The following EIF3H variants were observed in gnomAD, a reference collection of about 807,000 sequenced individuals.
The protein encoded by EIF3H is eukaryotic translation initiation factor 3 subunit H.
In EIF3H, 26 loss-of-function variants were observed where a neutral mutation model predicts 44.2. The ratio of observed to expected loss-of-function variants is 0.59; its 90% confidence interval spans 0.43 to 0.82. The LOEUF is 0.82. Among genes scored for constraint, EIF3H ranks in the 40% least tolerant of loss-of-function variants. EIF3H has a pLI of 0.00. For missense variants in EIF3H, 359 were observed against 432.8 expected (o/e 0.83, Z 1.51); for synonymous variants, 166 against 151.9 (o/e 1.09, Z -0.68).
chr8:116,748,158 C>CAA lies in EIF3H; in HGVS notation c.132+7506_132+7507dup, dbSNP rs537744856. ...CAAGAGCAAAACTCTGTCTCAAAAA[C>CAA]AAAAAAAAAAACAAAAACAAAACAA... On this transcript the variant is annotated intron_variant, in intron 1 of 7. Transcript: ENST00000521861. 3.9e-4 allele frequency among the ~76,000 whole-genome samples: 53 copies of CAA among 134,560 alleles called. 1 individual carries two copies. Among genetic ancestry groups the CAA allele is most frequent in the African/African-American group, 1.4e-3 (52 of 37,728 alleles). The allele number at this position is 134,560 out of a possible 152,430, so 88.3% of individuals were successfully genotyped here. A position where few individuals can be genotyped will look rare whatever the true frequency, so the allele number is the denominator to read the frequency against.
At chr8:116,690,379 GAA>G (rs36074596) in intron 2 of EIF3H, among the ~76,000 whole-genome samples, 4 of 148,982 alleles carry the variant, frequency 2.7e-5, no homozygotes, top group Admixed American at 6.7e-5. Context: ...AAATAAACTA[GAA>G]AAAAAAAAAC....
chr8:116,693,919 G>A (rs1268154463), intron 2 of EIF3H, among the ~76,000 whole-genome samples: 3 of 152,026 alleles, frequency 2.0e-5, no homozygotes, highest in Admixed American at 1.3e-4. Flanking sequence ...CTTCTGCCTT[G>A]GTCTCCCCCA....
upstream of EIF3H, chr8:116,766,350 C>T: frequency 2.4e-6 from 1 of 419,466 alleles, no homozygotes; most frequent in Non-Finnish European, 4.2e-6. Flanking sequence ...AATCGCGCAC[C>T]CCAGCGGTTT....
At chr8:116,752,521 T>C (rs1429453519) in intron 1 of EIF3H, among the ~76,000 whole-genome samples, 2 of 151,722 alleles carry the variant, frequency 1.3e-5, no homozygotes, top group East Asian at 1.9e-4. Flanking sequence ...AGGATACACC[T>C]GAGGCCTAGA....
At chr8:116,741,968 T>C (rs145740536) in intron 1 of EIF3H, among the ~76,000 whole-genome samples, 340 of 152,330 alleles carry the variant, frequency 2.2e-3, no homozygotes, top group Non-Finnish European at 3.6e-3. Flanking sequence ...ATTTAACACA[T>C]TTTATGGCTC....
intron 5 of EIF3H, among the ~76,000 whole-genome samples, chr8:116,649,439 G>T (rs184711798): frequency 6.6e-6 from 1 of 152,044 alleles, no homozygotes; most frequent in Non-Finnish European, 1.5e-5. Flanking sequence ...ACCTTTCCTA[G>T]AATCTGTAGT....
At chr8:116,733,494 T>C (rs938151112) in intron 1 of EIF3H, among the ~76,000 whole-genome samples, 1 of 152,090 alleles carries the variant, frequency 6.6e-6, no homozygotes, top group Non-Finnish European at 1.5e-5. Flanking sequence ...AAAAGCATTA[T>C]GAATAAAAGA....
intron 5 of EIF3H, among the ~76,000 whole-genome samples, chr8:116,651,911 A>C (rs1157538176): frequency 6.6e-6 from 1 of 152,240 alleles, no homozygotes; most frequent in African/African-American, 2.4e-5. Flanking sequence ...TAATATGAGC[A>C]TCTAATTTGC....
rs771153235 is a variant in EIF3H at position 116,656,125 on chromosome 8, TAAAAAA to T, written c.558-126_558-121del. 1.3e-3 allele frequency: 765 copies of T among 593,100 alleles called. 2 individuals are homozygous for T. Among genetic ancestry groups the T allele is most frequent in the Non-Finnish European group, 1.8e-3 (668 of 381,300 alleles). 36.7% of individuals were successfully genotyped at this position (593,100 alleles called of 1,614,324 possible). A position where few individuals can be genotyped will look rare whatever the true frequency, so the allele number is the denominator to read the frequency against. On this transcript the variant is annotated intron_variant, in intron 4 of 7. Transcript: ENST00000521861. ...AAGATCTTTGTTTCATTAGCACTCT[TAAAAAA>T]AAAAAAAGTAGAGAAACTGGAGTTT...
chr8:116,733,926 A>T (rs1814990514), intron 1 of EIF3H, among the ~76,000 whole-genome samples: 2 of 152,208 alleles, frequency 1.3e-5, no homozygotes, highest in Non-Finnish European at 2.9e-5. Flanking sequence ...AGGAGAGGAG[A>T]AACATAGTTT....
intron 2 of EIF3H, among the ~76,000 whole-genome samples, chr8:116,676,403 G>T (rs1813848773): frequency 6.6e-6 from 1 of 152,190 alleles, no homozygotes; most frequent in African/African-American, 2.4e-5. Flanking sequence ...GAAGGCAAAG[G>T]CGAAGCAAGA....
intron 2 of EIF3H, among the ~76,000 whole-genome samples, chr8:116,723,908 T>C (rs912584413): frequency 1.3e-5 from 2 of 152,172 alleles, no homozygotes; most frequent in African/African-American, 4.8e-5. Flanking sequence ...CAAAGACAGA[T>C]TCAATGCAAT....
chr8:116,716,463 T>A (rs1171697895), intron 2 of EIF3H, among the ~76,000 whole-genome samples: 1 of 152,124 alleles, frequency 6.6e-6, no homozygotes, highest in Non-Finnish European at 1.5e-5. Flanking sequence ...TTCGTTTCAG[T>A]GCTCAAAATA....
At chr8:116,669,252 G>T (rs1432410874) in intron 2 of EIF3H, among the ~76,000 whole-genome samples, 1 of 152,140 alleles carries the variant, frequency 6.6e-6, no homozygotes, top group Non-Finnish European at 1.5e-5. Context: ...ACAGAAATTA[G>T]ATTTCAAGAA....
intron 2 of EIF3H, among the ~76,000 whole-genome samples, chr8:116,676,279 T>G (rs1273380218): frequency 6.6e-6 from 1 of 152,234 alleles, no homozygotes; most frequent in Non-Finnish European, 1.5e-5. Flanking sequence ...TAGTCTGTTT[T>G]TATACTGCTA....
At chr8:116,754,120 C>T (rs1450376600) in intron 1 of EIF3H, among the ~76,000 whole-genome samples, 2 of 145,286 alleles carry the variant, frequency 1.4e-5, no homozygotes, top group Non-Finnish European at 3.0e-5. Context: ...ACTCCATTTT[C>T]TTTTTTTTTT....
chr8:116,750,713 T>C (rs1815322590), intron 1 of EIF3H, among the ~76,000 whole-genome samples: 1 of 151,774 alleles, frequency 6.6e-6, no homozygotes, highest in African/African-American at 2.4e-5. Context: ...ACCTGGCCTT[T>C]AGCATGACTT....
At chr8:116,737,649 T>A (rs373112085) in intron 1 of EIF3H, 1 of 152,290 alleles carries the variant, frequency 6.6e-6, no homozygotes, top group Admixed American at 6.5e-5. Flanking sequence ...AGAGTGAGAC[T>A]CTGTCTCAAA....
intron 5 of EIF3H, among the ~76,000 whole-genome samples, chr8:116,652,534 C>T (rs762841795): frequency 2.6e-5 from 4 of 152,004 alleles, no homozygotes; most frequent in Non-Finnish European, 5.9e-5. Context: ...AGGAGATGCA[C>T]GCATTTTAGA....
Sources: allele counts gnomAD v4.1 joint callset (sites outside exome capture counted in the v4.1 genomes callset), GRCh38; gene constraint gnomAD v4.1.1; transcripts MANE v1.5; gene names NCBI Gene and HGNC (gene_info 2026-07-23, HGNC 2026-07-21).